The following GRIK2 variants were observed in gnomAD, a reference collection of about 807,000 sequenced individuals.
The protein encoded by GRIK2 is glutamate receptor ionotropic, kainate 2.
In GRIK2, 32 loss-of-function variants were observed where a neutral mutation model predicts 100.3. The ratio of observed to expected loss-of-function variants is 0.32; its 90% CI spans 0.24 to 0.43. The LOEUF (loss-of-function observed/expected upper bound fraction) is 0.43. Ranked by LOEUF, GRIK2 falls within the 20% of genes least tolerant of loss-of-function variation. The probability of loss-of-function intolerance (pLI) is 1.00; values close to 1 mark genes in which losing one functional copy is unlikely to be tolerated. For synonymous variants in GRIK2, 417 were observed against 389.4 expected (o/e 1.07, Z -0.83); for missense variants, 843 against 1,114.9 (o/e 0.76, Z 3.47).
At chr6:102,066,973 T>A (rs1772048266) in intron 16 of GRIK2, among the ~76,000 whole-genome samples, 1 of 151,670 alleles carries the variant, frequency 6.6e-6, no homozygotes, top group Non-Finnish European at 1.5e-5. Flanking sequence ...AAACTAGATA[T>A]ATCAGGATAT....
intron 14 of GRIK2, among the ~76,000 whole-genome samples, chr6:101,971,555 A>C: frequency 6.6e-6 from 1 of 151,958 alleles, no homozygotes; most frequent in South Asian, 2.1e-4. Context: ...TTTTTCTTTT[A>C]TTTTTATAAT....
Position 101,922,896 on chromosome 6 carries a change from C to A in GRIK2, c.1749-1705C>A, listed in dbSNP as rs990150178. ...TGTTACTTGGAAATACTTTAAAAAA[C>A]GTGTATAAACTATTCTCATTAGCAT... On this transcript the variant is annotated intron_variant, in intron 12 of 16. Coordinates refer to ENST00000369134, the MANE Select transcript of GRIK2 (RefSeq NM_021956.5). 5.3e-5 allele frequency among the ~76,000 whole-genome samples: 8 copies of A among 152,250 alleles called. No individual in the cohort carries two copies. The East Asian group carries it at 1.2e-3, about 22-fold the overall frequency.
chr6:101,921,685 A>G (rs889190280), intron 12 of GRIK2, among the ~76,000 whole-genome samples: 2 of 152,060 alleles, frequency 1.3e-5, no homozygotes, highest in Non-Finnish European at 2.9e-5. Context: ...CCAGTGAGTA[A>G]GAGTGTGTGT....
intron 2 of GRIK2, among the ~76,000 whole-genome samples, chr6:101,577,643 G>T (rs1046698908): frequency 2.6e-5 from 4 of 152,052 alleles, no homozygotes; most frequent in Non-Finnish European, 5.9e-5. Context: ...CTTAAACAGT[G>T]TTATGAATCA....
chr6:101,988,318 A>G (rs1230273862), intron 14 of GRIK2, among the ~76,000 whole-genome samples: 1 of 151,784 alleles, frequency 6.6e-6, no homozygotes, highest in East Asian at 1.9e-4. Context: ...TTTTGAAATG[A>G]CTTCTTGTAT....
At chr6:101,524,874 G>T (rs1171491795) in intron 2 of GRIK2, among the ~76,000 whole-genome samples, 1 of 152,046 alleles carries the variant, frequency 6.6e-6, no homozygotes, top group Non-Finnish European at 1.5e-5. Context: ...TGGGATTACA[G>T]GCACCTGACA....
intron 14 of GRIK2, among the ~76,000 whole-genome samples, chr6:102,017,506 G>T (rs1005054969): frequency 1.3e-5 from 2 of 151,998 alleles, no homozygotes; most frequent in African/African-American, 4.8e-5. Flanking sequence ...TGTTTGGTTT[G>T]GTTTGTTATC....
intron 2 of GRIK2, among the ~76,000 whole-genome samples, chr6:101,559,746 AC>A (rs1776912887): frequency 6.6e-6 from 1 of 151,940 alleles, no homozygotes; most frequent in Non-Finnish European, 1.5e-5. Context: ...TCCCTTTTCC[AC>A]CAAATAATCA....
At chr6:102,013,399 T>C (rs1795653223) in intron 14 of GRIK2, among the ~76,000 whole-genome samples, 1 of 152,164 alleles carries the variant, frequency 6.6e-6, no homozygotes, top group Non-Finnish European at 1.5e-5. Flanking sequence ...TTTTAATCCC[T>C]CTCTTTCTAC....
At chr6:101,603,586 G>A (rs1310178821) in intron 2 of GRIK2, among the ~76,000 whole-genome samples, 1 of 151,602 alleles carries the variant, frequency 6.6e-6, no homozygotes, top group African/African-American at 2.4e-5. Context: ...ACATGTTTTT[G>A]CTTCTTACTC....
chr6:101,792,113 G>C (rs1583160195), intron 7 of GRIK2, among the ~76,000 whole-genome samples: 2 of 151,806 alleles, frequency 1.3e-5, no homozygotes, highest in Admixed American at 6.6e-5. Flanking sequence ...CTGCACGTGA[G>C]ATGGGTTTCC....
chr6:102,062,868 A>G (rs1377205188), intron 16 of GRIK2, among the ~76,000 whole-genome samples: 1 of 150,628 alleles, frequency 6.6e-6, no homozygotes. Flanking sequence ...GTAAAATATT[A>G]TATCTTATAT....
chr6:101,918,475 A>G (rs762470118), intron 12 of GRIK2, among the ~76,000 whole-genome samples: 1 of 151,708 alleles, frequency 6.6e-6, no homozygotes, highest in Non-Finnish European at 1.5e-5. Flanking sequence ...AGATTATTTT[A>G]TATATTTTCT....
intron 9 of GRIK2, among the ~76,000 whole-genome samples, chr6:101,805,769 G>A (rs1158802124): frequency 1.3e-5 from 2 of 152,038 alleles, no homozygotes; most frequent in African/African-American, 4.8e-5. Flanking sequence ...TCACTGACAT[G>A]ATAGATTTTA....
In GRIK2 at chr6:101,984,614, AACACACACACACACACACACACAC is replaced by A. The variant is rs10678285; in HGVS notation, c.2086-50708_2086-50685del. On this transcript the variant is annotated intron_variant, in intron 14 of 16. Coordinates refer to ENST00000369134, the MANE Select transcript of GRIK2 (RefSeq NM_021956.5). ...TTATATGTGCAGGAATACACATTAAAACACACACACACACACACACACACACACACACACACACACACCCTTCAA... is the reference window on the plus strand; with the variant it reads ...TTATATGTGCAGGAATACACATTAAAACACACACACACACACACCCTTCAA... 3.1e-5 allele frequency among the ~76,000 whole-genome samples: 4 copies of A among 129,158 alleles called. No individual in the cohort carries two copies. The Admixed American group carries it at 3.2e-4, about 10-fold the overall frequency. 84.7% of individuals were successfully genotyped at this position (129,158 alleles called of 152,430 possible).
chr6:101,900,884 C>A (rs1054148012), intron 12 of GRIK2, among the ~76,000 whole-genome samples: 1 of 151,114 alleles, frequency 6.6e-6, no homozygotes, highest in African/African-American at 2.4e-5. Context: ...TTGATAACAT[C>A]ATTTACTTAC....
At chr6:101,609,127 T>C (rs1181481850) in intron 2 of GRIK2, among the ~76,000 whole-genome samples, 1 of 151,786 alleles carries the variant, frequency 6.6e-6, no homozygotes, top group Non-Finnish European at 1.5e-5. Flanking sequence ...CTGCATTAGA[T>C]CTCTACTAGA....
chr6:102,056,408 T>A (rs893268247), intron 16 of GRIK2, among the ~76,000 whole-genome samples: 8 of 151,994 alleles, frequency 5.3e-5, no homozygotes, highest in Non-Finnish European at 8.8e-5. Context: ...ACTTTTTGTA[T>A]GCAAATTCAT....
chr6:101,922,035 A>G (rs750334242), intron 12 of GRIK2, among the ~76,000 whole-genome samples: 1 of 135,534 alleles, frequency 7.4e-6, no homozygotes, highest in Non-Finnish European at 1.7e-5. Context: ...CCTTGAAACC[A>G]GTGTCAGTGT....
Sources: gnomAD v4.1 joint callset for allele counts (sites outside exome capture counted in the v4.1 genomes callset) on GRCh38, gnomAD v4.1.1 for gene constraint, MANE v1.5 for transcripts, NCBI Gene and HGNC (gene_info 2026-07-23, HGNC 2026-07-21) for gene names.